SYNE2: variants seen among roughly 807,000 people sequenced by gnomAD.
SYNE2 encodes the protein spectrin repeat containing nuclear envelope protein 2, also known as nesprin-2.
In SYNE2, 431 loss-of-function variants were observed where a neutral mutation model predicts 856.3. That is an observed-to-expected ratio of 0.50 (90% CI 0.47 to 0.55). The LOEUF is 0.55. SYNE2 is among the 20% of genes least tolerant of loss of function. The pLI, the probability that SYNE2 is intolerant of heterozygous loss-of-function variation, is 0.00. For missense variants in SYNE2, 8,129 were observed against 8,023.2 expected (o/e 1.01, Z -0.50); for synonymous variants, 2,923 against 2,872.3 (o/e 1.02, Z -0.56).
In SYNE2 at chr14:64,007,168, A is replaced by T; in HGVS notation, c.4523A>T (p.Gln1508Leu). 1 of 1,614,242 alleles carries T rather than the reference A, an allele frequency of 6.2e-7. No individual in the cohort carries two copies. Among genetic ancestry groups the T allele is most frequent in the Non-Finnish European group, 8.5e-7 (1 of 1,180,032 alleles). Residue 1508 changes from glutamine to leucine, a missense_variant, in exon 31 of 116, where the codon CAG (glutamine) becomes CTG (leucine). This residue lies in a region of SYNE2 where 2,422 missense variants were observed against 2,357.4 expected (regional missense o/e 1.03). Coordinates refer to ENST00000555002, the MANE Select transcript of SYNE2 (RefSeq NM_182914.3). ...KDGREKTVNQ[Q>L]CQNTVVLWEN... ...GGCAGAGAAAAAACCGTGAATCAACAGTGCCAAAATACAGTAGTCTTGTGG... is the reference window on the plus strand; with the variant it reads ...GGCAGAGAAAAAACCGTGAATCAACTGTGCCAAAATACAGTAGTCTTGTGG...
rs1467622423 is a variant in SYNE2 at position 64,098,695 on chromosome 14, G to T, written c.12307-52G>T. 3 of 1,585,184 alleles carry T rather than the reference G, an allele frequency of 1.9e-6. No homozygotes were observed. In the East Asian group the frequency reaches 6.7e-5, roughly 35 times the overall value. ...AAAATGCAGCTGGACTGGGATCTTGGTGATGTTGACTGGCAAGCAGACTGC... is the reference window on the plus strand; with the variant it reads ...AAAATGCAGCTGGACTGGGATCTTGTTGATGTTGACTGGCAAGCAGACTGC... On this transcript the variant is annotated intron_variant, in intron 62 of 115. Coordinates refer to ENST00000555002, the MANE Select transcript of SYNE2 (RefSeq NM_182914.3).
At chr14:64,041,824 T>C (rs909867410) in intron 45 of SYNE2, among the ~76,000 whole-genome samples, 1 of 149,122 alleles carries the variant, frequency 6.7e-6, no homozygotes, top group East Asian at 2.0e-4. Context: ...CACTCCAGCC[T>C]GGGTGACAGA....
intron 64 of SYNE2, among the ~76,000 whole-genome samples, chr14:64,105,503 G>A (rs1165805235): frequency 6.6e-6 from 1 of 152,180 alleles, no homozygotes; most frequent in Non-Finnish European, 1.5e-5. Context: ...AGGTAAGATA[G>A]GTTTTATTCC....
chr14:63,862,128 G>C (rs192635929), intron 1 of SYNE2, among the ~76,000 whole-genome samples: 1 of 152,256 alleles, frequency 6.6e-6, no homozygotes, highest in East Asian at 1.9e-4. Flanking sequence ...TGCTAGAAAT[G>C]AATTTGAAAC....
In SYNE2 at chr14:63,953,450, C is replaced by A. The variant is rs79883310; in HGVS notation, c.591-1269C>A. Among the ~76,000 whole-genome samples, 265 of 152,240 alleles carry A rather than the reference C, an allele frequency of 1.7e-3. 1 individual carries two copies. The highest frequency in any genetic ancestry group is 5.9e-3 in the African/African-American group (247 of 41,544). Reference sequence around the variant, plus strand: ...AGAGAAGCAGGCAGGGGCCAAATCACTTAGGGTCTGTGGACCAGGGTGAGA... The same window carrying A: ...AGAGAAGCAGGCAGGGGCCAAATCAATTAGGGTCTGTGGACCAGGGTGAGA... On this transcript the variant is annotated intron_variant, in intron 7 of 115. Coordinates refer to ENST00000555002, the MANE Select transcript of SYNE2 (RefSeq NM_182914.3).
At position 63,912,829 on chromosome 14, in the gene SYNE2, C is replaced by T. The variant is rs76674649; in HGVS notation, c.79+3602C>T. ...CCCTGAAGATCAGGCAGTGCTTTGC[C>T]GAAATTCATAGAGCAGGACGATAAG... On this transcript the variant is annotated intron_variant, in intron 2 of 115. Coordinates refer to ENST00000555002, the MANE Select transcript of SYNE2 (RefSeq NM_182914.3). 5.4e-3 allele frequency among the ~76,000 whole-genome samples: 821 copies of T among 152,268 alleles called. 4 individuals are homozygous for T. The highest frequency in any genetic ancestry group is 0.018 in the African/African-American group (760 of 41,542).
At position 64,137,946 on chromosome 14, in the gene SYNE2, C is replaced by T. The variant is rs1214745106; in HGVS notation, c.14806C>T (p.Leu4936Phe). The part of the protein sequence containing the change: ...LSLNKKIDHE[L>F]HRLQALLKHL... ...CCTGAACAAGAAAATTGACCATGAG[C>T]TCCACAGGCTGCAAGCTCTTCTCAA... Residue 4936 changes from leucine (L) to phenylalanine (F), a missense_variant, in exon 79 of 116, where the codon CTC becomes TTC. Leu to Phe is a conservative substitution (Grantham distance 22). This residue lies in a region of SYNE2 where 5,410 missense variants were observed against 5,284.8 expected (regional missense o/e 1.02). Transcript: ENST00000555002. The T allele has an allele frequency of 3.1e-6, 5 of 1,613,974 alleles. No homozygotes were observed. Among genetic ancestry groups the T allele is most frequent in the South Asian group, 1.1e-5 (1 of 91,080 alleles).
chr14:64,025,457 T>G, intron 41 of SYNE2, 36 bp downstream of exon 41: 1 of 1,591,452 alleles, frequency 6.3e-7, no homozygotes, highest in Non-Finnish European at 8.6e-7. Flanking sequence ...GAAGTCTGAG[T>G]GAACTCTAGT....
At chr14:63,875,697 G>A (rs2094699653) in intron 1 of SYNE2, among the ~76,000 whole-genome samples, 1 of 152,174 alleles carries the variant, frequency 6.6e-6, no homozygotes, top group African/African-American at 2.4e-5. Flanking sequence ...CCAGTCATGG[G>A]GGGAAATACC....
At chr14:63,871,387 T>G (rs569379126) in intron 1 of SYNE2, among the ~76,000 whole-genome samples, 1 of 152,096 alleles carries the variant, frequency 6.6e-6, no homozygotes, top group East Asian at 1.9e-4. Context: ...TTTGTATTTT[T>G]AGTAGAGACG....
At chr14:64,055,455 G>A (rs537703524) in intron 48 of SYNE2, among the ~76,000 whole-genome samples, 8 of 142,306 alleles carry the variant, frequency 5.6e-5, no homozygotes, top group African/African-American at 1.9e-4. Context: ...TGCAACCTCC[G>A]CCTCCCGGGT....
intron 57 of SYNE2, among the ~76,000 whole-genome samples, chr14:64,082,471 C>G (rs2097531872): frequency 6.6e-6 from 1 of 152,152 alleles, no homozygotes; most frequent in Admixed American, 6.5e-5. Flanking sequence ...CAGAGAGATT[C>G]TTCTTGAGAA....
Position 63,974,888 on chromosome 14 carries a change from G to GTATATATATATA in SYNE2, c.1129-1674_1129-1673insATATATATATAT, listed in dbSNP as rs1370206967. ...TGTGTGTGTGTGTGTGTGTGTGTGT[G>GTATATATATATA]TGTGTATATATATATATATATATAT... On this transcript the variant is annotated intron_variant, in intron 11 of 115. Coordinates refer to ENST00000555002, the MANE Select transcript of SYNE2 (RefSeq NM_182914.3). Among the ~76,000 whole-genome samples, 59 of 26,418 alleles carry GTATATATATATA rather than the reference G, an allele frequency of 2.2e-3. 1 individual carries two copies. The highest frequency in any genetic ancestry group is 4.4e-3 in the East Asian group (3 of 678). 17.3% of individuals were successfully genotyped at this position (26,418 alleles called of 152,430 possible).
chr14:63,850,079 C>CT (rs66964099), upstream of SYNE2, among the ~76,000 whole-genome samples: 137 of 130,408 alleles, frequency 1.1e-3, no homozygotes, highest in African/African-American at 2.4e-3. Context: ...TGACAACATA[C>CT]TTTTTTTTTT....
chr14:63,811,089 C>T (rs1471323592), intron 1 of SYNE2, among the ~76,000 whole-genome samples: 1 of 152,148 alleles, frequency 6.6e-6, no homozygotes, highest in Non-Finnish European at 1.5e-5. Context: ...CCCACCTTGG[C>T]CTCCCAAAGT....
rs145755280 is a variant in SYNE2 at position 63,912,559 on chromosome 14, A to C, written c.79+3332A>C. 3.3e-5 allele frequency among the ~76,000 whole-genome samples: 5 copies of C among 152,204 alleles called. No homozygotes were observed. In the East Asian group the frequency reaches 9.6e-4, roughly 29 times the overall value. On this transcript the variant is annotated intron_variant, in intron 2 of 115. Coordinates refer to ENST00000555002, the MANE Select transcript of SYNE2 (RefSeq NM_182914.3). ...GATCCCTGCTCATAAGAAAGTTTTTATTTTTCTTTGTTTCAGAACCTTTTT... is the reference window on the plus strand; with the variant it reads ...GATCCCTGCTCATAAGAAAGTTTTTCTTTTTCTTTGTTTCAGAACCTTTTT...
chr14:64,060,421 G>A (rs181104316), intron 49 of SYNE2, among the ~76,000 whole-genome samples: 2 of 152,258 alleles, frequency 1.3e-5, no homozygotes, highest in East Asian at 1.9e-4. Context: ...TTCTGGCCCA[G>A]GGTGTGTCTG....
In SYNE2 at chr14:64,141,496, T is replaced by C; in HGVS notation, c.15132T>C (p.Leu5044=). ...EQKWTMLITQ[L]PDIQEKLHQL... is the part of the protein sequence containing the mutation. ...AATGGACAATGCTCATAACTCAACT[T>C]CCAGATATTCAAGAAAAACTTCACC... Residue 5044 remains leucine (L), a synonymous_variant, in exon 81 of 116, where the codon CTT becomes CTC. Coordinates refer to ENST00000555002, the MANE Select transcript of SYNE2 (RefSeq NM_182914.3). 1 of 1,614,016 alleles carries C rather than the reference T, an allele frequency of 6.2e-7. No individual in the cohort carries two copies. The highest frequency in any genetic ancestry group is 8.5e-7 in the Non-Finnish European group (1 of 1,179,948).
intron 62 of SYNE2, 178 bp downstream of exon 62, chr14:64,098,324 C>T (rs564107293): frequency 2.7e-6 from 2 of 728,488 alleles, no homozygotes; most frequent in South Asian, 1.6e-5. Flanking sequence ...TCAGGGTGTG[C>T]CTGTTCTGGA....
Sources: gnomAD v4.1 joint callset for allele counts (sites outside exome capture counted in the v4.1 genomes callset) on GRCh38, gnomAD v4.1.1 for gene constraint, gnomAD v4.1.1 regional missense constraint, MANE v1.5 for transcripts, NCBI Gene and HGNC (gene_info 2026-07-23, HGNC 2026-07-21) for gene names.